Variants in CEP70 observed in about 807,000 individuals in gnomAD.
The protein encoded by CEP70 is centrosomal protein of 70 kDa.
In CEP70, 70 loss-of-function variants were observed where a neutral mutation model predicts 90.9. The observed-to-expected ratio is 0.77, with a 90% CI of 0.64 to 0.94. The LOEUF (loss-of-function observed/expected upper bound fraction) is 0.94, where lower values mean the gene tolerates loss of function less well. CEP70 is among the 40% of genes least tolerant of loss of function. The pLI is 0.00. For missense variants in CEP70, 648 were observed against 669.0 expected (o/e 0.97, Z 0.35); for synonymous variants, 220 against 228.3 (o/e 0.96, Z 0.33).
At position 138,494,771 on chromosome 3, in the gene CEP70, A is replaced by T. The variant is rs1311511943; in HGVS notation, c.*244T>A. 3.4e-6 allele frequency: 1 copy of T among 296,614 alleles called. No homozygotes were observed. The highest frequency in any genetic ancestry group is 2.2e-5 in the African/African-American group (1 of 44,868). The allele number at this position is 296,614 out of a possible 1,614,324, so 18.4% of individuals were successfully genotyped here. A position where few individuals can be genotyped will look rare whatever the true frequency, so the allele number is the denominator to read the frequency against. On this transcript the variant is annotated 3_prime_UTR_variant, in exon 18 of 18. Coordinates refer to ENST00000264982, the MANE Select transcript of CEP70 (RefSeq NM_024491.4). ...TCTAAAACAACCTTAAATTTTAAGC[A>T]CTCAATAATTGCTTTAGAAATGAAG...
intron 6 of CEP70, among the ~76,000 whole-genome samples, chr3:138,567,927 T>C (rs964681235): frequency 6.6e-6 from 1 of 152,182 alleles, no homozygotes; most frequent in Non-Finnish European, 1.5e-5. Context: ...TATAATAGAA[T>C]GAGATGTTTG....
chr3:138,508,031 T>G lies in CEP70; in HGVS notation c.1050+408A>C, dbSNP rs893990469. On this transcript the variant is annotated intron_variant, in intron 12 of 17. Transcript: ENST00000264982. Reference sequence around the variant, plus strand: ...AGGTGAGATTCCCTATATCACACCATATAGAAAATTAAATTTCAGATGAAC... The same window carrying G: ...AGGTGAGATTCCCTATATCACACCAGATAGAAAATTAAATTTCAGATGAAC... Among the ~76,000 whole-genome samples, 33 of 152,180 alleles carry G rather than the reference T, an allele frequency of 2.2e-4. 1 individual carries two copies. The highest frequency in any genetic ancestry group is 7.7e-4 in the African/African-American group (32 of 41,524).
intron 17 of CEP70, chr3:138,497,275 T>A (rs1690984774): frequency 7.9e-7 from 1 of 1,268,908 alleles, no homozygotes; most frequent in Admixed American, 2.5e-5. Context: ...ATTGACTCAT[T>A]CCCTTATTTT....
chr3:138,545,032 A>G (rs2039079352), intron 6 of CEP70, among the ~76,000 whole-genome samples: 2 of 152,258 alleles, frequency 1.3e-5, no homozygotes, highest in African/African-American at 4.8e-5. Context: ...AATCTATTAT[A>G]TATTTCAAAA....
intron 11 of CEP70, among the ~76,000 whole-genome samples, chr3:138,521,111 T>G (rs924250453): frequency 6.6e-6 from 1 of 152,162 alleles, no homozygotes; most frequent in Admixed American, 6.5e-5. Context: ...CACTCAGTGC[T>G]CAATGCTGCC....
intron 16 of CEP70, among the ~76,000 whole-genome samples, chr3:138,498,768 C>T (rs962618444): frequency 6.6e-6 from 1 of 151,980 alleles, no homozygotes; most frequent in African/African-American, 2.4e-5. Context: ...AAATATCAGG[C>T]TGGGCACAGT....
chr3:138,541,236 TA>T (rs1201151318), intron 6 of CEP70, among the ~76,000 whole-genome samples: 2 of 152,076 alleles, frequency 1.3e-5, no homozygotes, highest in Admixed American at 1.3e-4. Flanking sequence ...AAAAGTTTAA[TA>T]AATAAGTACA....
chr3:138,500,824 T>C lies in CEP70; in HGVS notation c.1279A>G (p.Lys427Glu). Reference sequence around the variant, plus strand: ...ATACCTTCATTTTCATCCTGCTTCTTCAAATTAAGCCAAGGTACCAGTTCT... The same window carrying C: ...ATACCTTCATTTTCATCCTGCTTCTCCAAATTAAGCCAAGGTACCAGTTCT... ...SAELVPWLNL[K>E]KQDENEGIKV... The change falls in exon 14 of 18, where the codon AAG (lysine) becomes GAG (glutamate). Residue 427 changes from lysine to glutamate, a missense_variant. Coordinates refer to ENST00000264982, the MANE Select transcript of CEP70 (RefSeq NM_024491.4). 1.2e-6 allele frequency: 2 copies of C among 1,606,916 alleles called. No individual in the cohort carries two copies. Among genetic ancestry groups the C allele is most frequent in the African/African-American group, 1.3e-5 (1 of 74,846 alleles).
intron 6 of CEP70, among the ~76,000 whole-genome samples, chr3:138,547,428 G>A (rs1359308372): frequency 6.6e-6 from 1 of 152,202 alleles, no homozygotes; most frequent in Non-Finnish European, 1.5e-5. Context: ...ATCACTCACT[G>A]TGGCCATAAC....
chr3:138,581,412 A>C (rs2041848913), intron 2 of CEP70, among the ~76,000 whole-genome samples: 1 of 152,006 alleles, frequency 6.6e-6, no homozygotes, highest in Non-Finnish European at 1.5e-5. Context: ...AGGGGTAGAA[A>C]GTTTATTCAG....
At chr3:138,542,096 G>GTGCAT (rs1266373973) in intron 6 of CEP70, among the ~76,000 whole-genome samples, 1 of 152,186 alleles carries the variant, frequency 6.6e-6, no homozygotes, top group Non-Finnish European at 1.5e-5. Flanking sequence ...GCCTGCTAAG[G>GTGCAT]GCAAGCCAGG....
At chr3:138,496,251 C>T (rs1391462910) in intron 17 of CEP70, 1 of 985,322 alleles carries the variant, frequency 1.0e-6, no homozygotes, top group African/African-American at 1.7e-5. Context: ...CATTGTGTAG[C>T]TGGATCTTGG....
chr3:138,526,936 T>C (rs906403148), intron 10 of CEP70, among the ~76,000 whole-genome samples: 6 of 152,184 alleles, frequency 3.9e-5, no homozygotes, highest in African/African-American at 1.4e-4. Flanking sequence ...CATAAATATA[T>C]ACAGCTGTAA....
intron 11 of CEP70, among the ~76,000 whole-genome samples, chr3:138,520,394 C>T (rs1264772531): frequency 6.6e-6 from 1 of 152,198 alleles, no homozygotes; most frequent in African/African-American, 2.4e-5. Flanking sequence ...TTCTCAGCAC[C>T]ACACCACACC....
chr3:138,571,290 G>C lies in CEP70; in HGVS notation c.136C>G (p.Leu46Val), dbSNP rs1157116750. The change falls in exon 4 of 18, where the codon CTA becomes GTA. Residue 46 changes from leucine to valine, a missense_variant. Physicochemically the swap from Leu to Val is conservative, Grantham distance 32. Coordinates refer to ENST00000264982, the MANE Select transcript of CEP70 (RefSeq NM_024491.4). ...CCTTTGAGATCTGTTCTTTTGACTA[G>C]AGACAAAGGTTTTAAGCCATGCATC... ...LMMHGLKPLS[L>V]VKRTDLKDLI... 2.5e-6 allele frequency: 4 copies of C among 1,609,788 alleles called. No homozygotes were observed. Among genetic ancestry groups the C allele is most frequent in the Non-Finnish European group, 3.4e-6 (4 of 1,177,560 alleles).
chr3:138,514,361 ATTTC>A (rs1172542673), intron 11 of CEP70, among the ~76,000 whole-genome samples: 1 of 152,194 alleles, frequency 6.6e-6, no homozygotes. Flanking sequence ...AAAGGGTGAC[ATTTC>A]TTTCTGTCTT....
intron 11 of CEP70, among the ~76,000 whole-genome samples, chr3:138,524,863 T>C (rs2037051011): frequency 6.6e-6 from 1 of 152,248 alleles, no homozygotes; most frequent in Non-Finnish European, 1.5e-5. Flanking sequence ...TGGTGATTCC[T>C]CAAGGTTCTA....
At chr3:138,521,650 G>A (rs866662673) in intron 11 of CEP70, among the ~76,000 whole-genome samples, 16 of 147,902 alleles carry the variant, frequency 1.1e-4, no homozygotes, top group Middle Eastern at 7.3e-3. Context: ...CTGCCCGGCC[G>A]CGACCCCGTC....
intron 2 of CEP70, among the ~76,000 whole-genome samples, chr3:138,576,647 A>G (rs1298230703): frequency 6.6e-6 from 1 of 152,244 alleles, no homozygotes; most frequent in Non-Finnish European, 1.5e-5. Flanking sequence ...AATAGAATAT[A>G]CATTCTTCTC....
Sources: allele counts gnomAD v4.1 joint callset (sites outside exome capture counted in the v4.1 genomes callset), GRCh38; gene constraint gnomAD v4.1.1; transcripts MANE v1.5; gene names NCBI Gene and HGNC (gene_info 2026-07-23, HGNC 2026-07-21).